The following CTNNA2 variants were observed in gnomAD, a reference collection of about 807,000 sequenced individuals.
CTNNA2 encodes the protein catenin alpha 2, also known as catenin alpha-2.
A neutral mutation model predicts 101.0 loss-of-function variants in CTNNA2; 42 were observed. The observed-to-expected ratio is 0.42, with a 90% CI of 0.32 to 0.54. The LOEUF is 0.54. CTNNA2 is among the 20% of genes least tolerant of loss of function. The pLI, the probability that CTNNA2 is intolerant of heterozygous loss-of-function variation, is 0.14. For missense variants in CTNNA2, 871 were observed against 1,223.1 expected (o/e 0.71, Z 4.29); for synonymous variants, 450 against 456.4 (o/e 0.99, Z 0.18).
intron 3 of CTNNA2, among the ~76,000 whole-genome samples, chr2:79,365,138 A>C (rs954023604): frequency 6.6e-6 from 1 of 152,046 alleles, no homozygotes; most frequent in Non-Finnish European, 1.5e-5. Flanking sequence ...TTAGCTGAGC[A>C]TGGTGGCGGG....
Position 80,152,458 on chromosome 2 carries a change from C to A in CTNNA2, c.1057-240753C>A, listed in dbSNP as rs563156441. 8.5e-5 allele frequency among the ~76,000 whole-genome samples: 13 copies of A among 152,140 alleles called. 1 individual carries two copies. In the South Asian group the frequency reaches 1.2e-3, roughly 15 times the overall value. The stretch of plus-strand genomic sequence containing the variant: ...TTGGTTCTCATTATAATCACATTAA[C>A]CTCCAAGCATGCACTCTGATGCCAA... On this transcript the variant is annotated intron_variant, in intron 7 of 18. Coordinates refer to ENST00000402739, the MANE Select transcript of CTNNA2 (RefSeq NM_001282597.3).
Position 80,403,012 on chromosome 2 carries a change from C to T in CTNNA2, c.1137+9721C>T, listed in dbSNP as rs148264882. On this transcript the variant is annotated intron_variant, in intron 8 of 18. Transcript: ENST00000402739. ...AGATTTTAGGGGCTACCAAAAAGCT[C>T]AGTAATCACAATAAATAATATTGTG... Among the ~76,000 whole-genome samples the T allele has an allele frequency of 8.4e-4, 128 of 151,622 alleles. 3 individuals carry two copies. In the East Asian group the frequency reaches 0.019, roughly 23 times the overall value.
In CTNNA2 at chr2:79,425,081, T is replaced by C. The variant is rs865940275; in HGVS notation, c.-135+51068T>C. 5.9e-5 allele frequency among the ~76,000 whole-genome samples: 9 copies of C among 152,286 alleles called. No homozygotes were observed. The South Asian group carries it at 1.9e-3, about 32-fold the overall frequency. On this transcript the variant is annotated intron_variant, in intron 4 of 21. Coordinates refer to the CTNNA2 transcript ENST00000466387. ...GAGGGGAAAAAGAAAAATATACCTT[T>C]ATCATCAGTGTGTATGTGTGTGTAA...
chr2:80,444,890 C>A (rs909007386), intron 9 of CTNNA2, among the ~76,000 whole-genome samples: 1 of 152,112 alleles, frequency 6.6e-6, no homozygotes, highest in African/African-American at 2.4e-5. Context: ...CTTGTTATGG[C>A]AGCCCAAGCA....
intron 4 of CTNNA2, among the ~76,000 whole-genome samples, chr2:79,376,440 C>T (rs1677975702): frequency 8.3e-6 from 1 of 120,298 alleles, no homozygotes; most frequent in Admixed American, 9.1e-5. Flanking sequence ...AAAATAGCCC[C>T]TTGTTGGTTG....
chr2:79,930,168 C>T lies in CTNNA2; in HGVS notation c.1056+20371C>T, dbSNP rs148025214. Among the ~76,000 whole-genome samples, 1,029 of 151,372 alleles carry T rather than the reference C, an allele frequency of 6.8e-3. 17 individuals are homozygous for T. Among genetic ancestry groups the T allele is most frequent in the African/African-American group, 0.024 (983 of 41,226 alleles). On this transcript the variant is annotated intron_variant, in intron 7 of 18. Coordinates refer to ENST00000402739, the MANE Select transcript of CTNNA2 (RefSeq NM_001282597.3). ...ATGAGAATCACTTGAACCTGGGAGGCAGAGGTGGAGGTTGCAGTGAGCCAA... is the reference window on the plus strand; with the variant it reads ...ATGAGAATCACTTGAACCTGGGAGGTAGAGGTGGAGGTTGCAGTGAGCCAA...
At chr2:80,347,338 T>C (rs542596597) in intron 7 of CTNNA2, among the ~76,000 whole-genome samples, 12 of 152,318 alleles carry the variant, frequency 7.9e-5, no homozygotes, top group African/African-American at 2.6e-4. Flanking sequence ...TGAGTCCTCA[T>C]TAATGCCATT....
intron 1 of CTNNA2, among the ~76,000 whole-genome samples, chr2:79,622,196 A>G (rs1336515188): frequency 6.6e-6 from 1 of 152,230 alleles, no homozygotes; most frequent in Non-Finnish European, 1.5e-5. Flanking sequence ...TTGAATTTGA[A>G]GACTGGCTGT....
chr2:80,472,977 T>C (rs1362962206), intron 9 of CTNNA2, among the ~76,000 whole-genome samples: 1 of 152,202 alleles, frequency 6.6e-6, no homozygotes, highest in Admixed American at 6.5e-5. Context: ...GTACCTACTG[T>C]GCCCACTTGT....
chr2:80,604,001 C>T (rs1451187761), intron 15 of CTNNA2, 73 bp from the exon 16 acceptor site: 1 of 1,299,862 alleles, frequency 7.7e-7, no homozygotes. Flanking sequence ...GACTCCTGGA[C>T]AAAGGATATG....
intron 3 of CTNNA2, among the ~76,000 whole-genome samples, chr2:79,779,561 A>G (rs1165869234): frequency 6.6e-6 from 1 of 152,012 alleles, no homozygotes; most frequent in Non-Finnish European, 1.5e-5. Context: ...TTTTTTCCCT[A>G]TTGTTATTTT....
In CTNNA2 at chr2:80,026,527, G is replaced by T. The variant is rs1224557526; in HGVS notation, c.1056+116730G>T. 2.0e-5 allele frequency among the ~76,000 whole-genome samples: 3 copies of T among 152,164 alleles called. No individual in the cohort carries two copies. The East Asian group carries it at 5.8e-4, about 29-fold the overall frequency. ...GTCTTGGTGAACAGAGAGGCCTGCAGCAAAAGAGTTAAGAGATACTTTCTA... is the reference window on the plus strand; with the variant it reads ...GTCTTGGTGAACAGAGAGGCCTGCATCAAAAGAGTTAAGAGATACTTTCTA... On this transcript the variant is annotated intron_variant, in intron 7 of 18. Transcript: ENST00000402739.
chr2:80,612,893 G>A (rs1194624134), intron 17 of CTNNA2: 2 of 151,450 alleles, frequency 1.3e-5, no homozygotes, highest in African/African-American at 4.8e-5. Context: ...TGAACAAAAG[G>A]GTAGATGTTC....
chr2:80,335,880 C>A (rs568837009), intron 7 of CTNNA2, among the ~76,000 whole-genome samples: 2 of 152,038 alleles, frequency 1.3e-5, no homozygotes, highest in Admixed American at 6.5e-5. Flanking sequence ...GCTGGGGAAA[C>A]CAAGACCCAG....
At chr2:79,956,843 G>GTTTTTTTTTTCTTTT (rs1302247404) in intron 7 of CTNNA2, among the ~76,000 whole-genome samples, 65 of 98,904 alleles carry the variant, frequency 6.6e-4, no homozygotes, top group South Asian at 8.0e-4. Flanking sequence ...ATACGTGTGG[G>GTTTTTTTTTTCTTTT]TTTTTTTTTT....
intron 7 of CTNNA2, among the ~76,000 whole-genome samples, chr2:80,376,810 A>G (rs1676000773): frequency 6.6e-6 from 1 of 152,146 alleles, no homozygotes; most frequent in Admixed American, 6.5e-5. Context: ...CTTCCTTGAT[A>G]TGCCAAGTGA....
In CTNNA2 at chr2:79,384,653, G is replaced by T. The variant is rs145950060; in HGVS notation, c.-135+10640G>T. Among the ~76,000 whole-genome samples the T allele has an allele frequency of 2.1e-3, 327 of 152,246 alleles. 1 individual carries two copies. Among genetic ancestry groups the T allele is most frequent in the African/African-American group, 7.4e-3 (309 of 41,534 alleles). ...TACTTTGAAATCTTCAAAAGGCAGAGAAAATGTGATAAAGTTGTTTGCCAT... is the reference window on the plus strand; with the variant it reads ...TACTTTGAAATCTTCAAAAGGCAGATAAAATGTGATAAAGTTGTTTGCCAT... On this transcript the variant is annotated intron_variant, in intron 4 of 21. Transcript: ENST00000466387.
chr2:79,779,533 T>C (rs79023516), intron 3 of CTNNA2, among the ~76,000 whole-genome samples: 1 of 152,314 alleles, frequency 6.6e-6, no homozygotes, highest in Non-Finnish European at 1.5e-5. Context: ...CTGACCTCTG[T>C]GCTTTTTACT....
intron 2 of CTNNA2, among the ~76,000 whole-genome samples, chr2:79,259,516 G>A (rs1424787609): frequency 1.3e-5 from 2 of 152,116 alleles, no homozygotes; most frequent in African/African-American, 2.4e-5. Context: ...GAATAACCAC[G>A]AAACCCACTA....
Sources: allele counts gnomAD v4.1 joint callset (sites outside exome capture counted in the v4.1 genomes callset), GRCh38; gene constraint gnomAD v4.1.1; transcripts MANE v1.5; gene names NCBI Gene and HGNC (gene_info 2026-07-23, HGNC 2026-07-21).